The following WDR72 variants were observed in gnomAD, a reference collection of about 807,000 sequenced individuals.
The protein encoded by WDR72 is WD repeat domain 72.
In WDR72, 120 loss-of-function variants were observed where a neutral mutation model predicts 124.2. The observed-to-expected ratio is 0.97, with a 90% CI of 0.83 to 1.12. WDR72 has a LOEUF of 1.12. Among genes scored for constraint, WDR72 ranks in the 50% most tolerant of loss-of-function variants. The pLI, the probability that WDR72 is intolerant of heterozygous loss-of-function variation, is 0.00. For synonymous variants in WDR72, 452 were observed against 441.7 expected (o/e 1.02, Z -0.29); for missense variants, 1,387 against 1,278.8 (o/e 1.08, Z -1.29).
intron 1 of WDR72, among the ~76,000 whole-genome samples, chr15:53,743,076 T>G (rs566032601): frequency 2.6e-5 from 4 of 152,074 alleles, no homozygotes; most frequent in African/African-American, 9.7e-5. Context: ...TCACAGCCAG[T>G]AGGTAAAAAA....
intron 3 of WDR72, among the ~76,000 whole-genome samples, chr15:53,718,841 A>C (rs1049073869): frequency 1.3e-5 from 2 of 151,474 alleles, no homozygotes; most frequent in African/African-American, 4.8e-5. Flanking sequence ...AAAAATCTTA[A>C]GAATTTTTAA....
At chr15:53,576,523 G>A (rs936244420) in intron 18 of WDR72, among the ~76,000 whole-genome samples, 1 of 152,046 alleles carries the variant, frequency 6.6e-6, no homozygotes, top group Non-Finnish European at 1.5e-5. Flanking sequence ...TTGTATGCAT[G>A]GTAACTTGTA....
chr15:53,680,585 A>G (rs1180568788), intron 13 of WDR72, among the ~76,000 whole-genome samples: 3 of 152,220 alleles, frequency 2.0e-5, no homozygotes, highest in Non-Finnish European at 4.4e-5. Context: ...CATGGGTTAA[A>G]GCCAATTGTT....
At chr15:53,556,812 A>G (rs1207584511) in intron 18 of WDR72, among the ~76,000 whole-genome samples, 1 of 152,170 alleles carries the variant, frequency 6.6e-6, no homozygotes, top group African/African-American at 2.4e-5. Context: ...CTTTACAGAA[A>G]TGTAAATTAT....
At chr15:53,751,267 AAG>A (rs2140895614) in intron 1 of WDR72, among the ~76,000 whole-genome samples, 1 of 152,054 alleles carries the variant, frequency 6.6e-6, no homozygotes, top group African/African-American at 2.4e-5. Flanking sequence ...TCACAAAAGG[AAG>A]AGTCAATCAA....
chr15:53,734,513 T>C (rs918584528), intron 1 of WDR72, among the ~76,000 whole-genome samples: 1 of 152,176 alleles, frequency 6.6e-6, no homozygotes, highest in African/African-American at 2.4e-5. Context: ...TTATACCTAT[T>C]TTTAAGTTGT....
intron 18 of WDR72, among the ~76,000 whole-genome samples, chr15:53,549,858 A>T (rs1416690088): frequency 6.6e-6 from 1 of 152,152 alleles, no homozygotes; most frequent in Admixed American, 6.5e-5. Context: ...TATAATACAT[A>T]TCCAAATTCA....
At chr15:53,544,319 A>C (rs2140266258) in intron 18 of WDR72, among the ~76,000 whole-genome samples, 1 of 106,988 alleles carries the variant, frequency 9.3e-6, no homozygotes, top group South Asian at 3.9e-4. Flanking sequence ...CACCATGATC[A>C]AGTGGGCTTC....
chr15:53,688,245 T>A (rs2016711770), intron 13 of WDR72, among the ~76,000 whole-genome samples: 1 of 149,660 alleles, frequency 6.7e-6, no homozygotes, highest in Admixed American at 6.6e-5. Flanking sequence ...AGAAAGGGTA[T>A]TCAATTAGGA....
At chr15:53,607,807 A>T (rs2013352944) in intron 17 of WDR72, among the ~76,000 whole-genome samples, 1 of 152,192 alleles carries the variant, frequency 6.6e-6, no homozygotes, top group African/African-American at 2.4e-5. Context: ...AAACAACTCT[A>T]TAGGAAAAAT....
intron 14 of WDR72, 135 bp downstream of exon 14, chr15:53,665,437 A>T: frequency 4.2e-6 from 4 of 960,684 alleles, no homozygotes; most frequent in Non-Finnish European, 6.5e-6. Context: ...TTCACCCAAG[A>T]TTACTTGGTA....
intron 11 of WDR72, among the ~76,000 whole-genome samples, chr15:53,702,881 GAAT>G (rs976547881): frequency 2.0e-5 from 3 of 149,458 alleles, no homozygotes; most frequent in African/African-American, 7.4e-5. Flanking sequence ...AATAAATTCA[GAAT>G]ATTACTTATT....
chr15:53,714,413 G>A, intron 6 of WDR72, 21 bp downstream of exon 6: 2 of 1,600,522 alleles, frequency 1.2e-6, no homozygotes, highest in Non-Finnish European at 1.7e-6. Flanking sequence ...AAGGAAAAAA[G>A]AGTAGGGTTC....
intron 13 of WDR72, 90 bp from the exon 14 acceptor site, chr15:53,665,858 C>G: frequency 1.5e-6 from 2 of 1,314,874 alleles, no homozygotes; most frequent in Non-Finnish European, 2.2e-6. Context: ...AGAAGAATCA[C>G]AATCCTTTAA....
chr15:53,762,478 T>C (rs148865034), upstream of WDR72, among the ~76,000 whole-genome samples: 2 of 152,348 alleles, frequency 1.3e-5, no homozygotes, highest in African/African-American at 2.4e-5. Context: ...ACGTAGGAGA[T>C]ACAGAATAAA....
intron 10 of WDR72, 126 bp from the exon 11 acceptor site, chr15:53,705,359 G>T: frequency 3.6e-6 from 3 of 839,164 alleles, no homozygotes; most frequent in Non-Finnish European, 5.8e-6. Flanking sequence ...GATTCATATT[G>T]CCAGCATTCA....
At chr15:53,628,696 G>T (rs1198678447) in intron 14 of WDR72, among the ~76,000 whole-genome samples, 1 of 152,062 alleles carries the variant, frequency 6.6e-6, no homozygotes, top group Non-Finnish European at 1.5e-5. Flanking sequence ...TTTGTGTTAT[G>T]ACAAATTAAC....
chr15:53,745,920 A>G (rs541508924), intron 1 of WDR72, among the ~76,000 whole-genome samples: 2 of 152,216 alleles, frequency 1.3e-5, no homozygotes, highest in African/African-American at 4.8e-5. Context: ...CCTTACACAC[A>G]ATTGCAAAGA....
At chr15:53,636,853 A>C (rs1447391984) in intron 14 of WDR72, among the ~76,000 whole-genome samples, 6 of 152,154 alleles carry the variant, frequency 3.9e-5, no homozygotes, top group Admixed American at 6.6e-5. Context: ...TTAATGATTT[A>C]TTTCTTTTCT....
Sources: allele counts gnomAD v4.1 joint callset (sites outside exome capture counted in the v4.1 genomes callset), GRCh38; gene constraint gnomAD v4.1.1; transcripts MANE v1.5; gene names NCBI Gene and HGNC (gene_info 2026-07-23, HGNC 2026-07-21).